Variants in CNOT10 observed in about 807,000 individuals in gnomAD.
The protein encoded by CNOT10 is CCR4-NOT transcription complex subunit 10, also known as CCR4-NOT transcription complex, subunit 10.
Under a neutral mutation model 94.6 loss-of-function variants are expected in CNOT10, and 30 were observed. That is an observed-to-expected ratio of 0.32 (90% CI 0.24 to 0.43). CNOT10 has a LOEUF of 0.43. CNOT10 is among the 20% of genes least tolerant of loss of function. The pLI is 1.00. For synonymous variants in CNOT10, 289 were observed against 301.6 expected (o/e 0.96, Z 0.43); for missense variants, 759 against 877.2 (o/e 0.87, Z 1.70).
rs369539123 is a variant in CNOT10, at chr3:32,708,778, A to G, written c.388A>G (p.Ile130Val). 4 of 1,612,866 alleles carry G rather than the reference A, an allele frequency of 2.5e-6. No individual in the cohort carries two copies. In the African/African-American group the frequency reaches 4.0e-5, roughly 16 times the overall value. Residue 130 changes from isoleucine to valine, a missense_variant, in exon 4 of 19, where the codon ATA becomes GTA. Around this residue, in one of 3 missense-constraint regions of CNOT10, gnomAD observed 682 missense variants for 799.4 expected, o/e 0.85. Transcript: ENST00000328834. ...LYHLRQYTEAISVGEKLYQFI... is the reference protein window; with the variant it reads ...LYHLRQYTEAVSVGEKLYQFI... ...TCATCTGCGGCAGTATACAGAAGCC[A>G]TATCAGTTGGTGAAAAACTTTATCA... is the stretch of plus-strand genomic sequence containing the variant.
At chr3:32,685,686 G>C (rs763030168) in intron 1 of CNOT10, among the ~76,000 whole-genome samples, 1 of 152,184 alleles carries the variant, frequency 6.6e-6, no homozygotes, top group East Asian at 1.9e-4. Context: ...CTCAAGTGCA[G>C]TATTTGAAGT....
At chr3:32,720,976 T>G (rs1369139176) in intron 8 of CNOT10, among the ~76,000 whole-genome samples, 1 of 138,988 alleles carries the variant, frequency 7.2e-6, no homozygotes, top group Non-Finnish European at 1.6e-5. Flanking sequence ...CCTCCTTTCC[T>G]TCCCTTCCTT....
At chr3:32,706,847 A>G (rs1463284308) in intron 3 of CNOT10, among the ~76,000 whole-genome samples, 5 of 152,242 alleles carry the variant, frequency 3.3e-5, no homozygotes, top group African/African-American at 1.2e-4. Flanking sequence ...AGTGAAGATT[A>G]TAAAAAGTTC....
At chr3:32,695,966 A>AGTGTGTGTGTGT (rs1374247638) in intron 1 of CNOT10, 47 of 616,746 alleles carry the variant, frequency 7.6e-5, no homozygotes, top group African/African-American at 4.1e-4. Flanking sequence ...CCTGTTGAAG[A>AGTGTGTGTGTGT]GAGTGTGTGT....
chr3:32,701,886 G>A (rs1489852634), intron 1 of CNOT10, among the ~76,000 whole-genome samples: 3 of 151,868 alleles, frequency 2.0e-5, no homozygotes, highest in South Asian at 4.2e-4. Flanking sequence ...TCTGCCTCCC[G>A]GGTTCACGCC....
intron 1 of CNOT10, among the ~76,000 whole-genome samples, chr3:32,686,376 G>A (rs989886067): frequency 2.0e-5 from 3 of 152,188 alleles, no homozygotes; most frequent in South Asian, 2.1e-4. Flanking sequence ...AACTCAGTGT[G>A]CTGTGGATTT....
At chr3:32,727,117 T>A (rs1055211662) in intron 9 of CNOT10, among the ~76,000 whole-genome samples, 1 of 151,928 alleles carries the variant, frequency 6.6e-6, no homozygotes, top group Non-Finnish European at 1.5e-5. Flanking sequence ...AGTGCTGGGA[T>A]TACAGGCGTG....
At chr3:32,729,757 C>CTT in intron 10 of CNOT10, among the ~76,000 whole-genome samples, 2 of 126,872 alleles carry the variant, frequency 1.6e-5, no homozygotes, top group African/African-American at 5.9e-5. Context: ...AGAATTTATA[C>CTT]TTCTTTTTTT....
intron 13 of CNOT10, among the ~76,000 whole-genome samples, chr3:32,757,871 C>G (rs534108674): frequency 7.9e-5 from 12 of 152,180 alleles, no homozygotes; most frequent in African/African-American, 2.4e-4. Context: ...CTTGCTGGCT[C>G]TCAAATTACT....
intron 13 of CNOT10, among the ~76,000 whole-genome samples, chr3:32,746,385 A>G (rs1324828256): frequency 6.6e-6 from 1 of 151,996 alleles, no homozygotes; most frequent in Non-Finnish European, 1.5e-5. Flanking sequence ...TAGTTATACA[A>G]CTCACCATAA....
chr3:32,685,481 A>T lies in CNOT10; in HGVS notation c.21A>T (p.Ala7=). The T allele has an allele frequency of 6.5e-7, 1 of 1,550,346 alleles. No individual in the cohort carries two copies. Among genetic ancestry groups the T allele is most frequent in the Non-Finnish European group, 8.7e-7 (1 of 1,146,710 alleles). The change falls in exon 1 of 19, where the codon GCA becomes GCT. Residue 7 remains alanine (A), a splice_region_variant and synonymous_variant. Coordinates refer to ENST00000328834, the MANE Select transcript of CNOT10 (RefSeq NM_015442.3). MAADKP[A]DQGAEKHEGT... is the part of the protein sequence containing the mutation. Reference sequence around the variant, plus strand: ...GGAAGATGGCTGCAGACAAGCCTGCAGGTAGGGCGCCAATGTCCCGAGCGA... The same window carrying T: ...GGAAGATGGCTGCAGACAAGCCTGCTGGTAGGGCGCCAATGTCCCGAGCGA...
intron 1 of CNOT10, 26 bp downstream of exon 1, chr3:32,685,508 G>C (rs1418347771): frequency 6.5e-7 from 1 of 1,550,062 alleles, no homozygotes; most frequent in Admixed American, 2.0e-5. Context: ...CCCGAGCGAC[G>C]AGACGGCGGG....
chr3:32,734,977 G>C lies in CNOT10; in HGVS notation c.1514+1G>C, dbSNP rs113443057. On this transcript the variant is annotated splice_donor_variant, in intron 12 of 18. Coordinates refer to ENST00000328834, the MANE Select transcript of CNOT10 (RefSeq NM_015442.3). LOFTEE classifies it high-confidence loss of function. ...GCAGCGAAAGCAGTGAAACTTGCAG[G>C]TATTCTAATCCTTGTGACCTCCTTT... The C allele has an allele frequency of 6.2e-7, 1 of 1,611,620 alleles. No individual in the cohort carries two copies. Among genetic ancestry groups the C allele is most frequent in the Non-Finnish European group, 8.5e-7 (1 of 1,178,310 alleles).
At chr3:32,737,565 C>T (rs1575266290) in intron 13 of CNOT10, 75 bp downstream of exon 13, 1 of 931,478 alleles carries the variant, frequency 1.1e-6, no homozygotes, top group East Asian at 2.7e-5. Flanking sequence ...TGGCTCATAC[C>T]TCTAATCCCA....
chr3:32,697,033 C>T (rs1026345505), intron 1 of CNOT10, among the ~76,000 whole-genome samples: 1 of 152,014 alleles, frequency 6.6e-6, no homozygotes, highest in African/African-American at 2.4e-5. Context: ...TCACTGCAGC[C>T]TCTGCCTTCC....
At chr3:32,740,497 T>A (rs897787291) in intron 13 of CNOT10, among the ~76,000 whole-genome samples, 2 of 152,130 alleles carry the variant, frequency 1.3e-5, no homozygotes, top group African/African-American at 4.8e-5. Flanking sequence ...GATATTGACA[T>A]TGATACAGTA....
intron 13 of CNOT10, chr3:32,753,134 A>G (rs376276809): frequency 3.9e-5 from 23 of 587,334 alleles, no homozygotes; most frequent in East Asian, 1.6e-4. Context: ...ATTCAATCCA[A>G]ATAATTCCAC....
At chr3:32,728,831 G>A (rs753031025) in intron 10 of CNOT10, among the ~76,000 whole-genome samples, 155 of 151,350 alleles carry the variant, frequency 1.0e-3, no homozygotes, top group Non-Finnish European at 1.7e-3. Context: ...GCCAGGTGCG[G>A]TGGTCACGCC....
At chr3:32,698,117 G>T (rs773455700) in intron 1 of CNOT10, among the ~76,000 whole-genome samples, 1 of 152,188 alleles carries the variant, frequency 6.6e-6, no homozygotes, top group Non-Finnish European at 1.5e-5. Context: ...TGGATAAACA[G>T]TATGTTCTTG....
Sources: allele counts gnomAD v4.1 joint callset (sites outside exome capture counted in the v4.1 genomes callset), GRCh38; gene constraint gnomAD v4.1.1; regional missense constraint gnomAD v4.1.1; transcripts MANE v1.5; gene names NCBI Gene and HGNC (gene_info 2026-07-23, HGNC 2026-07-21).